VPS13B: variants seen among roughly 807,000 people sequenced by gnomAD.
VPS13B encodes the protein intermembrane lipid transfer protein VPS13B.
In VPS13B, 285 loss-of-function variants were observed where a neutral mutation model predicts 426.4. The observed-to-expected ratio is 0.67, with a 90% CI of 0.61 to 0.74. The LOEUF (loss-of-function observed/expected upper bound fraction) is 0.74. Ranked by LOEUF, VPS13B falls within the 30% of genes least tolerant of loss-of-function variation. The probability of loss-of-function intolerance (pLI) is 0.00; values close to 1 mark genes in which losing one functional copy is unlikely to be tolerated. For synonymous variants in VPS13B, 1,676 were observed against 1,676.4 expected (o/e 1.00, Z 0.01); for missense variants, 4,537 against 4,782.6 (o/e 0.95, Z 1.51).
intron 17 of VPS13B, among the ~76,000 whole-genome samples, chr8:99,263,986 A>G (rs1818178242): frequency 6.6e-6 from 1 of 152,174 alleles, no homozygotes; most frequent in Non-Finnish European, 1.5e-5. Context: ...ATAAACATGT[A>G]TGTATGAGTT....
At chr8:99,039,095 C>G (rs1165843628) in intron 3 of VPS13B, among the ~76,000 whole-genome samples, 1 of 152,098 alleles carries the variant, frequency 6.6e-6, no homozygotes, top group Non-Finnish European at 1.5e-5. Context: ...TGTCATAGCT[C>G]TACTAGGGAC....
chr8:99,461,138 A>T (rs1818809137), intron 23 of VPS13B, among the ~76,000 whole-genome samples: 1 of 151,698 alleles, frequency 6.6e-6, no homozygotes, highest in African/African-American at 2.4e-5. Context: ...TCTTTTCTCA[A>T]GCTACTTCAT....
At chr8:99,172,854 G>A (rs763959778) in intron 16 of VPS13B, among the ~76,000 whole-genome samples, 1 of 152,074 alleles carries the variant, frequency 6.6e-6, no homozygotes, top group Non-Finnish European at 1.5e-5. Context: ...AGCCATCTGT[G>A]TACTGCTTGA....
chr8:99,181,336 A>G (rs1812936623), intron 16 of VPS13B, among the ~76,000 whole-genome samples: 1 of 152,176 alleles, frequency 6.6e-6, no homozygotes, highest in Non-Finnish European at 1.5e-5. Flanking sequence ...TTGCACAGGT[A>G]AAAAGGCTGG....
At chr8:99,048,687 C>CCACTCAGGG (rs1843359165) in intron 3 of VPS13B, among the ~76,000 whole-genome samples, 1 of 151,786 alleles carries the variant, frequency 6.6e-6, no homozygotes, top group Non-Finnish European at 1.5e-5. Context: ...TGGTAGCGAG[C>CCACTCAGGG]GCCTGTAATC....
chr8:99,092,260 G>A (rs1387449975), intron 3 of VPS13B, among the ~76,000 whole-genome samples: 1 of 152,142 alleles, frequency 6.6e-6, no homozygotes, highest in East Asian at 1.9e-4. Flanking sequence ...GCAAATGGCA[G>A]TATTTTCAGA....
At chr8:99,050,107 A>G (rs192846343) in intron 3 of VPS13B, among the ~76,000 whole-genome samples, 2,021 of 152,076 alleles carry the variant, frequency 0.013, 175 homozygotes, top group Admixed American at 0.12. Context: ...GTATGTATAC[A>G]CGGGCCATGT....
intron 23 of VPS13B, among the ~76,000 whole-genome samples, chr8:99,451,099 G>T (rs1818175394): frequency 6.6e-6 from 1 of 151,960 alleles, no homozygotes; most frequent in African/African-American, 2.4e-5. Flanking sequence ...AATTTTTTTA[G>T]TATACTGAGG....
At chr8:99,516,787 C>CAAAAAAAAAA in intron 29 of VPS13B, among the ~76,000 whole-genome samples, 1 of 16,706 alleles carries the variant, frequency 6.0e-5, no homozygotes, top group Non-Finnish European at 1.0e-4. Flanking sequence ...GACCGTGTCT[C>CAAAAAAAAAA]AAAAAAAAAA....
chr8:99,339,251 G>C (rs747500675), intron 19 of VPS13B, among the ~76,000 whole-genome samples: 1 of 152,100 alleles, frequency 6.6e-6, no homozygotes, highest in Non-Finnish European at 1.5e-5. Flanking sequence ...AAATACCTAA[G>C]ACTGGGTAAC....
intron 2 of VPS13B, among the ~76,000 whole-genome samples, chr8:99,028,913 C>T (rs1447559949): frequency 6.7e-5 from 7 of 104,490 alleles, no homozygotes; most frequent in African/African-American, 1.2e-4. Context: ...GGGTGGCTGC[C>T]GGGCGGAGAC....
chr8:99,796,767 C>G (rs1193141977), intron 43 of VPS13B: 1 of 152,146 alleles, frequency 6.6e-6, no homozygotes, highest in East Asian at 1.9e-4. Context: ...ATGGCCTCAC[C>G]CACATATTTA....
chr8:99,702,914 A>G (rs886954851), intron 36 of VPS13B, among the ~76,000 whole-genome samples: 10 of 152,166 alleles, frequency 6.6e-5, no homozygotes, highest in African/African-American at 2.2e-4. Context: ...AGTAATATTT[A>G]GAGAAACACC....
rs774357106 is a variant in VPS13B at position 99,835,564 on chromosome 8, CA to C, written c.9775del (p.Ile3259PhefsTer32). On this transcript the variant is annotated frameshift_variant, in exon 54 of 62. Coordinates refer to ENST00000357162, the MANE Select transcript of VPS13B (RefSeq NM_152564.5). LOFTEE classifies it high-confidence loss of function. ...KDIPKFEVYCKKIPSECSIHH... is the reference protein window; with the variant it reads ...KDIPKFEVYCXKIPSECSIHH... Reference sequence around the variant, plus strand: ...ATATTCCAAAGTTTGAGGTTTATTGCAAAAAAATTCCCTCCGAGTGCTCAAT... The same window carrying C: ...ATATTCCAAAGTTTGAGGTTTATTGCAAAAAATTCCCTCCGAGTGCTCAAT... 3.2e-5 allele frequency: 52 copies of C among 1,613,978 alleles called. No homozygotes were observed. The highest frequency in any genetic ancestry group is 4.3e-5 in the Non-Finnish European group (51 of 1,179,984).
chr8:99,828,632 C>A (rs148515877), intron 51 of VPS13B, among the ~76,000 whole-genome samples: 37 of 151,970 alleles, frequency 2.4e-4, no homozygotes, highest in African/African-American at 8.9e-4. Context: ...GAATTTGATC[C>A]TGTCATCATG....
chr8:99,826,516 C>T (rs906389896), intron 51 of VPS13B, among the ~76,000 whole-genome samples: 8 of 152,198 alleles, frequency 5.3e-5, no homozygotes, highest in African/African-American at 1.9e-4. Flanking sequence ...CATCTGCAAA[C>T]AGAGACAATT....
intron 19 of VPS13B, among the ~76,000 whole-genome samples, chr8:99,298,063 C>T (rs991881992): frequency 6.6e-6 from 1 of 152,062 alleles, no homozygotes; most frequent in African/African-American, 2.4e-5. Context: ...CATTATTTTG[C>T]CCTTGATAAA....
chr8:99,502,129 C>T (rs976488497), intron 26 of VPS13B, among the ~76,000 whole-genome samples: 1 of 151,914 alleles, frequency 6.6e-6, no homozygotes, highest in Non-Finnish European at 1.5e-5. Flanking sequence ...AGATTACAGG[C>T]GTGCACCACG....
At chr8:99,103,983 A>G (rs1681276250) in intron 5 of VPS13B, among the ~76,000 whole-genome samples, 1 of 152,130 alleles carries the variant, frequency 6.6e-6, no homozygotes, top group South Asian at 2.1e-4. Context: ...CTTACTTGCC[A>G]CATGCTTGTT....
Sources: gnomAD v4.1 joint callset for allele counts (sites outside exome capture counted in the v4.1 genomes callset) on GRCh38, gnomAD v4.1.1 for gene constraint, MANE v1.5 for transcripts, NCBI Gene and HGNC (gene_info 2026-07-23, HGNC 2026-07-21) for gene names.